GRID2: variants seen among roughly 807,000 people sequenced by gnomAD.
The protein encoded by GRID2 is glutamate ionotropic receptor delta type subunit 2, also known as glutamate receptor ionotropic, delta-2.
A neutral mutation model predicts 114.8 loss-of-function variants in GRID2; 33 were observed. The ratio of observed to expected loss-of-function variants is 0.29; its 90% CI spans 0.22 to 0.38. The LOEUF is 0.38. Among genes scored for constraint, GRID2 ranks in the 10% least tolerant of loss-of-function variants. The pLI is 1.00. For synonymous variants in GRID2, 505 were observed against 449.9 expected, an observed-to-expected ratio of 1.12 and a Z score of -1.55; for missense variants, 1,184 against 1,257.7, an observed-to-expected ratio of 0.94 and a Z score of 0.89.
At chr4:93,764,992 G>A (rs573721751) in intron 14 of GRID2, among the ~76,000 whole-genome samples, 9 of 152,110 alleles carry the variant, frequency 5.9e-5, no homozygotes, top group Non-Finnish European at 1.0e-4. Context: ...ATAATTACAA[G>A]GTACAATTCT....
At chr4:92,756,059 T>C (rs1031413770) in intron 2 of GRID2, among the ~76,000 whole-genome samples, 5 of 152,090 alleles carry the variant, frequency 3.3e-5, no homozygotes, top group African/African-American at 1.2e-4. Context: ...TAGAACTTAT[T>C]CCTTGTTCCT....
intron 2 of GRID2, among the ~76,000 whole-genome samples, chr4:92,843,880 A>G (rs1333305358): frequency 1.3e-5 from 2 of 152,156 alleles, no homozygotes; most frequent in African/African-American, 4.8e-5. Context: ...CCGTAGGTCT[A>G]CTGTGCTCTT....
chr4:92,687,024 T>A (rs1045711890), intron 2 of GRID2, among the ~76,000 whole-genome samples: 5 of 152,202 alleles, frequency 3.3e-5, no homozygotes, highest in South Asian at 2.1e-4. Flanking sequence ...TTTATTTATT[T>A]CATGTAAGGC....
At position 93,308,775 on chromosome 4, in the gene GRID2, T is replaced by C. The variant is rs17020396; in HGVS notation, c.1245+70285T>C. Among the ~76,000 whole-genome samples, 312 of 152,326 alleles carry C rather than the reference T, an allele frequency of 2.0e-3. 2 individuals carry two copies. The highest frequency in any genetic ancestry group is 7.1e-3 in the African/African-American group (297 of 41,572). On this transcript the variant is annotated intron_variant, in intron 8 of 15. Coordinates refer to ENST00000282020, the MANE Select transcript of GRID2 (RefSeq NM_001510.4). ...CAATAAGACTTTTTCCAAAAATTGT[T>C]CTCACAACTCTAAGCAACTGAAGTG...
chr4:92,520,002 T>A (rs1048761014), intron 1 of GRID2, among the ~76,000 whole-genome samples: 1 of 151,868 alleles, frequency 6.6e-6, no homozygotes, highest in Admixed American at 6.6e-5. Flanking sequence ...GAATAGTGTT[T>A]AACCAAGTAT....
rs553370077 is a variant in GRID2, at chr4:93,703,502, T to C, written c.2361-65708T>C. 3.4e-3 allele frequency among the ~76,000 whole-genome samples: 515 copies of C among 152,302 alleles called. 2 individuals carry two copies. Among genetic ancestry groups the C allele is most frequent in the Middle Eastern group, 0.014 (4 of 294 alleles). On this transcript the variant is annotated intron_variant, in intron 14 of 15. Coordinates refer to ENST00000282020, the MANE Select transcript of GRID2 (RefSeq NM_001510.4). ...GCAAATACTAGATCGTATTTATTTT[T>C]TTTTATATGTACTTTAAGTTTTAGA...
intron 2 of GRID2, among the ~76,000 whole-genome samples, chr4:93,038,756 A>T (rs1480459422): frequency 6.6e-6 from 1 of 151,658 alleles, no homozygotes; most frequent in African/African-American, 2.4e-5. Flanking sequence ...GTGCCACTGC[A>T]CTCCAGCCTG....
intron 8 of GRID2, among the ~76,000 whole-genome samples, chr4:93,265,438 T>G (rs886578861): frequency 1.3e-5 from 2 of 152,194 alleles, no homozygotes; most frequent in Non-Finnish European, 1.5e-5. Flanking sequence ...ATTTAGAAAC[T>G]ATAGTAAATC....
intron 2 of GRID2, among the ~76,000 whole-genome samples, chr4:92,991,480 A>G (rs1008742846): frequency 3.9e-5 from 6 of 152,360 alleles, no homozygotes; most frequent in Admixed American, 2.0e-4. Flanking sequence ...TTAATAAACC[A>G]TCTCCGTGCA....
At chr4:93,054,593 A>G (rs1027014638) in intron 2 of GRID2, among the ~76,000 whole-genome samples, 3 of 151,964 alleles carry the variant, frequency 2.0e-5, no homozygotes, top group Admixed American at 1.3e-4. Flanking sequence ...TCAGATTCAA[A>G]TAAGTGGCAC....
intron 10 of GRID2, among the ~76,000 whole-genome samples, chr4:93,432,674 T>C (rs1769529016): frequency 6.6e-6 from 1 of 152,172 alleles, no homozygotes; most frequent in African/African-American, 2.4e-5. Context: ...ACTCTAATGA[T>C]GGATACACTG....
At chr4:92,810,267 C>T (rs1037509339) in intron 2 of GRID2, among the ~76,000 whole-genome samples, 4 of 150,906 alleles carry the variant, frequency 2.7e-5, no homozygotes, top group Non-Finnish European at 3.0e-5. Flanking sequence ...GCAAATTTCA[C>T]GGAACCTATC....
At chr4:92,925,560 G>A (rs1015793809) in intron 2 of GRID2, among the ~76,000 whole-genome samples, 1 of 151,960 alleles carries the variant, frequency 6.6e-6, no homozygotes, top group African/African-American at 2.4e-5. Context: ...ATATTTACAT[G>A]TTGGTTGTGT....
rs141841462 is a variant in GRID2 at position 92,649,326 on chromosome 4, A to G, written c.244+59040A>G. Among the ~76,000 whole-genome samples, 10 of 150,284 alleles carry G rather than the reference A, an allele frequency of 6.7e-5. No individual in the cohort carries two copies. In the East Asian group the frequency reaches 1.8e-3, roughly 27 times the overall value. On this transcript the variant is annotated intron_variant, in intron 2 of 15. Transcript: ENST00000282020. ...GAAGGCTTGAGAACCAGACGAGGCAATGTTGTAACTCCAAGCCTGAGTGTG... is the reference window on the plus strand; with the variant it reads ...GAAGGCTTGAGAACCAGACGAGGCAGTGTTGTAACTCCAAGCCTGAGTGTG...
chr4:92,366,049 T>C (rs1281921167), intron 1 of GRID2, among the ~76,000 whole-genome samples: 1 of 152,168 alleles, frequency 6.6e-6, no homozygotes, highest in Admixed American at 6.6e-5. Context: ...ATTATTACTA[T>C]GTACTTCCCT....
At chr4:92,771,582 G>A (rs1009170145) in intron 2 of GRID2, among the ~76,000 whole-genome samples, 18 of 152,132 alleles carry the variant, frequency 1.2e-4, no homozygotes, top group African/African-American at 4.3e-4. Flanking sequence ...CTTTCAAATG[G>A]TCTAAGATGT....
chr4:92,814,766 T>C (rs1740807489), intron 2 of GRID2, among the ~76,000 whole-genome samples: 1 of 152,156 alleles, frequency 6.6e-6, no homozygotes, highest in Admixed American at 6.6e-5. Context: ...CAGGAAGTGC[T>C]GGGCTTCGGA....
intron 14 of GRID2, among the ~76,000 whole-genome samples, chr4:93,721,435 T>G (rs1335027927): frequency 6.6e-6 from 1 of 152,190 alleles, no homozygotes; most frequent in Non-Finnish European, 1.5e-5. Flanking sequence ...AATGTCTAGG[T>G]TAACAAAAGC....
intron 4 of GRID2, chr4:93,164,708 T>G (rs1366945342): frequency 4.6e-6 from 2 of 437,504 alleles, no homozygotes; most frequent in African/African-American, 4.0e-5. Context: ...CAAAATATGC[T>G]TAATTTTTTT....
Sources: allele counts gnomAD v4.1 joint callset (sites outside exome capture counted in the v4.1 genomes callset), GRCh38; gene constraint gnomAD v4.1.1; transcripts MANE v1.5; gene names NCBI Gene and HGNC (gene_info 2026-07-23, HGNC 2026-07-21).